Variants in RYR2 observed in about 807,000 individuals in gnomAD.
RYR2 encodes cardiac muscle ryanodine receptor-calcium release channel.
A neutral mutation model predicts 601.1 loss-of-function variants in RYR2; 227 were observed. The observed-to-expected ratio is 0.38, with a 90% CI of 0.34 to 0.42. The LOEUF (loss-of-function observed/expected upper bound fraction) is 0.42, where lower values mean the gene tolerates loss of function less well. RYR2 is among the 10% of genes least tolerant of loss of function. RYR2 has a pLI of 1.00. For synonymous variants in RYR2, 2,223 were observed against 2,175.1 expected (o/e 1.02, Z -0.61); for missense variants, 4,646 against 6,156.5 (o/e 0.75, Z 8.21).
chr1:237,795,850 G>GTA (rs1274549066), intron 96 of RYR2, among the ~76,000 whole-genome samples: 3 of 61,646 alleles, frequency 4.9e-5, no homozygotes, highest in Non-Finnish European at 7.1e-5. Flanking sequence ...ATATATATAT[G>GTA]TATATGTATA....
intron 10 of RYR2, 105 bp from the exon 11 acceptor site, chr1:237,416,944 C>T: frequency 2.2e-6 from 2 of 892,378 alleles, no homozygotes; most frequent in Non-Finnish European, 3.6e-6. Context: ...ACTGTTTACT[C>T]ACAGGCCATT....
rs1178747163 is a variant in RYR2 at position 237,535,002 on chromosome 1, C to A, written c.2906+4492C>A. 4.0e-5 allele frequency among the ~76,000 whole-genome samples: 6 copies of A among 151,614 alleles called. No individual in the cohort carries two copies. In the East Asian group the frequency reaches 1.2e-3, roughly 29 times the overall value. On this transcript the variant is annotated intron_variant, in intron 25 of 104. Transcript: ENST00000366574. Reference sequence around the variant, plus strand: ...GAACACTTAAAATCAAATCTCTTGGCAAGTTCAATATATAATACCTCATTA... The same window carrying A: ...GAACACTTAAAATCAAATCTCTTGGAAAGTTCAATATATAATACCTCATTA...
At chr1:237,090,870 T>G (rs1414929875) in intron 1 of RYR2, among the ~76,000 whole-genome samples, 1 of 152,190 alleles carries the variant, frequency 6.6e-6, no homozygotes, top group Non-Finnish European at 1.5e-5. Flanking sequence ...GGCATGAAAG[T>G]TAAAGGTTCA....
intron 1 of RYR2, among the ~76,000 whole-genome samples, chr1:237,118,210 AT>A (rs200955695): frequency 1.3e-5 from 2 of 151,828 alleles, no homozygotes; most frequent in South Asian, 2.1e-4. Flanking sequence ...GTCTTTGAGA[AT>A]TTTTTTTTGG....
intron 1 of RYR2, among the ~76,000 whole-genome samples, chr1:237,218,945 C>T (rs894623019): frequency 2.0e-5 from 3 of 151,418 alleles, no homozygotes; most frequent in Non-Finnish European, 4.4e-5. Flanking sequence ...TAAGTCCAGA[C>T]GTGGAGCCAG....
At chr1:237,541,853 C>G (rs955411461) in intron 25 of RYR2, among the ~76,000 whole-genome samples, 47 of 152,040 alleles carry the variant, frequency 3.1e-4, no homozygotes, top group African/African-American at 9.4e-4. Flanking sequence ...AATGTCATCA[C>G]TTAAGACAAG....
At chr1:237,231,169 A>AT (rs902255699) in intron 1 of RYR2, among the ~76,000 whole-genome samples, 2 of 152,204 alleles carry the variant, frequency 1.3e-5, no homozygotes, top group Admixed American at 6.5e-5. Context: ...TTCCCCACTT[A>AT]TTTTTTAAGC....
At chr1:237,483,336 G>A (rs553683117) in intron 17 of RYR2, among the ~76,000 whole-genome samples, 4 of 152,002 alleles carry the variant, frequency 2.6e-5, no homozygotes, top group Admixed American at 1.3e-4. Flanking sequence ...CTTACATCAC[G>A]TTGCTTTGAT....
intron 49 of RYR2, among the ~76,000 whole-genome samples, chr1:237,648,881 T>G (rs1321377738): frequency 6.6e-6 from 1 of 152,208 alleles, no homozygotes; most frequent in Non-Finnish European, 1.5e-5. Flanking sequence ...TGGGATTCAA[T>G]AAGAGGTTCA....
intron 1 of RYR2, among the ~76,000 whole-genome samples, chr1:237,159,990 G>C (rs1271488141): frequency 6.6e-6 from 1 of 152,114 alleles, no homozygotes; most frequent in Non-Finnish European, 1.5e-5. Context: ...CCTCCAATTT[G>C]AATATCTGAG....
Position 237,075,068 on chromosome 1 carries a change from C to G in RYR2, c.48+32499C>G, listed in dbSNP as rs114660948. On this transcript the variant is annotated intron_variant, in intron 1 of 104. Coordinates refer to ENST00000366574, the MANE Select transcript of RYR2 (RefSeq NM_001035.3). ...CAGAGACCCAAGCGCTGAACCCACT[C>G]TCATTCTCATGTAGGTTTTATGCTT... Among the ~76,000 whole-genome samples the G allele has an allele frequency of 8.0e-3, 1,218 of 152,240 alleles. 20 individuals are homozygous for G. Among genetic ancestry groups the G allele is most frequent in the African/African-American group, 0.028 (1,158 of 41,554 alleles).
chr1:237,495,906 C>T (rs983079097), intron 19 of RYR2, among the ~76,000 whole-genome samples: 1 of 152,126 alleles, frequency 6.6e-6, no homozygotes, highest in Admixed American at 6.6e-5. Context: ...ACACAACATG[C>T]TGAAGAGGAA....
intron 1 of RYR2, among the ~76,000 whole-genome samples, chr1:237,222,141 G>A (rs1038649219): frequency 6.6e-5 from 10 of 152,232 alleles, no homozygotes; most frequent in Non-Finnish European, 1.0e-4. Context: ...TGGGCCAGGC[G>A]CGGTGGCTCA....
chr1:237,122,326 A>G (rs1363813778), intron 1 of RYR2, among the ~76,000 whole-genome samples: 1 of 152,214 alleles, frequency 6.6e-6, no homozygotes, highest in Non-Finnish European at 1.5e-5. Flanking sequence ...TTCCTTTGCA[A>G]AAGATGAGTG....
At chr1:237,609,024 T>G in intron 35 of RYR2, among the ~76,000 whole-genome samples, 1 of 145,376 alleles carries the variant, frequency 6.9e-6, no homozygotes, top group Non-Finnish European at 1.5e-5. Flanking sequence ...CCCTCCCTCC[T>G]TCCCTCCCTC....
At chr1:237,540,724 A>T (rs1669168421) in intron 25 of RYR2, among the ~76,000 whole-genome samples, 2 of 151,872 alleles carry the variant, frequency 1.3e-5, no homozygotes, top group South Asian at 2.1e-4. Flanking sequence ...TTAAAAAAAA[A>T]AAAAAAAGCA....
At chr1:237,395,374 G>A (rs1355283766) in intron 10 of RYR2, among the ~76,000 whole-genome samples, 1 of 152,022 alleles carries the variant, frequency 6.6e-6, no homozygotes, top group Non-Finnish European at 1.5e-5. Context: ...GTTTGAACCT[G>A]CTATTCAATA....
At chr1:237,403,790 CAA>C (rs900116407) in intron 10 of RYR2, among the ~76,000 whole-genome samples, 1 of 151,670 alleles carries the variant, frequency 6.6e-6, no homozygotes, top group African/African-American at 2.4e-5. Context: ...AAGGAAATAC[CAA>C]AAAGAGTTTC....
In RYR2 at chr1:237,052,927, C is replaced by T. The variant is rs539580832; in HGVS notation, c.48+10358C>T. On this transcript the variant is annotated intron_variant, in intron 1 of 104. Coordinates refer to ENST00000366574, the MANE Select transcript of RYR2 (RefSeq NM_001035.3). ...GCAGTGGTGTGATCTTGGCTTACTG[C>T]AACCTCTGCCTCCCAGCTTCAAGTG... Among the ~76,000 whole-genome samples, 43 of 152,278 alleles carry T rather than the reference C, an allele frequency of 2.8e-4. No homozygotes were observed. The South Asian group carries it at 8.5e-3, about 30-fold the overall frequency.
Sources: allele counts gnomAD v4.1 joint callset (sites outside exome capture counted in the v4.1 genomes callset), GRCh38; gene constraint gnomAD v4.1.1; transcripts MANE v1.5; gene names NCBI Gene and HGNC (gene_info 2026-07-23, HGNC 2026-07-21).